The following ZFPM1 variants were observed in gnomAD, a reference collection of about 807,000 sequenced individuals.
The protein encoded by ZFPM1 is zinc finger protein ZFPM1.
ZFPM1 carries 28 observed loss-of-function variants against 46.3 expected under a neutral mutation model. That is an observed-to-expected ratio of 0.60 (90% confidence interval 0.45 to 0.83). The LOEUF (loss-of-function observed/expected upper bound fraction) is 0.83, where lower values mean the gene tolerates loss of function less well. ZFPM1 is among the 40% of genes least tolerant of loss of function. The pLI, the probability that ZFPM1 is intolerant of heterozygous loss-of-function variation, is 0.00. For missense variants in ZFPM1, 1,878 were observed against 1,432.4 expected (o/e 1.31, Z -5.02); for synonymous variants, 957 against 675.9 (o/e 1.42, Z -6.45).
At chr16:88,476,497 G>A (rs79802565) in intron 1 of ZFPM1, among the ~76,000 whole-genome samples, 4 of 152,118 alleles carry the variant, frequency 2.6e-5, no homozygotes, top group South Asian at 2.1e-4. Flanking sequence ...GGAGAGGGCC[G>A]AGCAGGTGCC....
In ZFPM1 at chr16:88,534,105, G is replaced by A. The variant is rs1164254114; in HGVS notation, c.2147G>A (p.Arg716Gln). Residue 716 changes from arginine (R) to glutamine (Q), a missense_variant, in exon 10 of 10, where the codon CGA (arginine) becomes CAA (glutamine). Transcript: ENST00000319555. ...TCGCGCCACGACCCGCCGCCGCGCCGACCGGCCGCGCCCCCGGGACCCCCT... is the reference window on the plus strand; with the variant it reads ...TCGCGCCACGACCCGCCGCCGCGCCAACCGGCCGCGCCCCCGGGACCCCCT... ...CASRHDPPPR[R>Q]PAAPPGPPGP... The A allele has an allele frequency of 2.6e-6, 3 of 1,154,314 alleles. No homozygotes were observed. The highest frequency in any genetic ancestry group is 2.2e-6 in the Non-Finnish European group (2 of 920,238). The allele number at this position is 1,154,314 out of a possible 1,614,324, so 71.5% of individuals were successfully genotyped here.
intron 1 of ZFPM1, among the ~76,000 whole-genome samples, chr16:88,456,641 C>A (rs1204839391): frequency 6.6e-6 from 1 of 152,162 alleles, no homozygotes; most frequent in Non-Finnish European, 1.5e-5. Context: ...GTAGGGCTGG[C>A]CTCAGTTTTC....
chr16:88,479,184 C>T (rs1245563167), intron 1 of ZFPM1, among the ~76,000 whole-genome samples: 2 of 152,290 alleles, frequency 1.3e-5, no homozygotes, highest in East Asian at 3.9e-4. Flanking sequence ...GAGTCCCAAC[C>T]GCGGGGCCGG....
chr16:88,482,230 A>T (rs1050155012), intron 1 of ZFPM1, among the ~76,000 whole-genome samples: 1 of 151,850 alleles, frequency 6.6e-6, no homozygotes, highest in African/African-American at 2.4e-5. Flanking sequence ...CTGGGGGCCC[A>T]AGTGCTCTGT....
At position 88,534,115 on chromosome 16, in the gene ZFPM1, G is replaced by A. The variant is rs1913056734; in HGVS notation, c.2157G>A (p.Ala719=). 2 of 1,128,238 alleles carry A rather than the reference G, an allele frequency of 1.8e-6. No homozygotes were observed. Among genetic ancestry groups the A allele is most frequent in the Non-Finnish European group, 1.1e-6 (1 of 900,172 alleles). 69.9% of individuals were successfully genotyped at this position (1,128,238 alleles called of 1,614,324 possible). The change falls in exon 10 of 10, where the codon GCG becomes GCA. Residue 719 remains alanine, a synonymous_variant. Transcript: ENST00000319555. ...ACCCGCCGCCGCGCCGACCGGCCGCGCCCCCGGGACCCCCTGGGCCGGCCG... is the reference window on the plus strand; with the variant it reads ...ACCCGCCGCCGCGCCGACCGGCCGCACCCCCGGGACCCCCTGGGCCGGCCG... The part of the protein sequence containing the change: ...RHDPPPRRPA[A]PPGPPGPAAP...
At chr16:88,460,045 C>A (rs574350389) in intron 1 of ZFPM1, among the ~76,000 whole-genome samples, 1 of 151,990 alleles carries the variant, frequency 6.6e-6, no homozygotes, top group South Asian at 2.1e-4. Flanking sequence ...TTCCCTCCAG[C>A]GCATCCCGAC....
chr16:88,500,914 G>A (rs375978617), intron 3 of ZFPM1, among the ~76,000 whole-genome samples: 2 of 152,254 alleles, frequency 1.3e-5, no homozygotes, highest in Admixed American at 1.3e-4. Context: ...TCACCTGACC[G>A]ACAGGTACAG....
intron 1 of ZFPM1, among the ~76,000 whole-genome samples, chr16:88,482,644 C>G (rs1909002142): frequency 6.6e-6 from 1 of 152,170 alleles, no homozygotes; most frequent in Non-Finnish European, 1.5e-5. Flanking sequence ...CCTGTGGGCC[C>G]CAGCCCCAGT....
intron 3 of ZFPM1, among the ~76,000 whole-genome samples, chr16:88,504,994 T>A (rs1910570198): frequency 6.6e-6 from 1 of 152,208 alleles, no homozygotes; most frequent in Non-Finnish European, 1.5e-5. Context: ...AGCTCTGCCA[T>A]TAGCTGGGGC....
At chr16:88,526,064 G>A (rs542687767) in intron 4 of ZFPM1, among the ~76,000 whole-genome samples, 1 of 152,352 alleles carries the variant, frequency 6.6e-6, no homozygotes, top group Non-Finnish European at 1.5e-5. Flanking sequence ...GAGGCCAGGG[G>A]GGCCAGGGCC....
At chr16:88,490,994 G>C (rs1030624179) in intron 3 of ZFPM1, among the ~76,000 whole-genome samples, 1 of 149,608 alleles carries the variant, frequency 6.7e-6, no homozygotes, top group African/African-American at 2.5e-5. Context: ...CCTGTCGGGG[G>C]TCAGACAGGC....
chr16:88,514,276 C>T, intron 3 of ZFPM1, 111 bp from the exon 4 acceptor site: 1 of 1,493,962 alleles, frequency 6.7e-7, no homozygotes, highest in Non-Finnish European at 8.9e-7. Flanking sequence ...CCATTCACCC[C>T]AGGCCCCCAG....
At chr16:88,500,580 T>A (rs895833655) in intron 3 of ZFPM1, among the ~76,000 whole-genome samples, 3 of 152,244 alleles carry the variant, frequency 2.0e-5, no homozygotes, top group Non-Finnish European at 4.4e-5. Context: ...GGTCATTCTG[T>A]CACCTTGCTA....
chr16:88,504,718 T>C (rs981941981), intron 3 of ZFPM1, among the ~76,000 whole-genome samples: 17 of 152,158 alleles, frequency 1.1e-4, no homozygotes, highest in African/African-American at 4.1e-4. Context: ...AAGGTAGTGG[T>C]GTCTGAGACC....
chr16:88,455,419 G>A (rs1907500612), intron 1 of ZFPM1, among the ~76,000 whole-genome samples: 1 of 151,978 alleles, frequency 6.6e-6, no homozygotes, highest in Non-Finnish European at 1.5e-5. Flanking sequence ...AGGCAGGGCC[G>A]CGGACCCTCC....
chr16:88,498,548 G>T (rs1032606292), intron 3 of ZFPM1, among the ~76,000 whole-genome samples: 11 of 152,220 alleles, frequency 7.2e-5, no homozygotes, highest in African/African-American at 2.7e-4. Flanking sequence ...CTTGGTGAGG[G>T]AGACACCCCA....
chr16:88,475,580 G>T (rs956491553), intron 1 of ZFPM1, among the ~76,000 whole-genome samples: 40 of 152,226 alleles, frequency 2.6e-4, no homozygotes, highest in African/African-American at 9.4e-4. Flanking sequence ...GCCTGAGAAA[G>T]CCCAGGTCCT....
chr16:88,519,270 GGGATGGATGGATGGAT>G (rs758724772), intron 4 of ZFPM1, among the ~76,000 whole-genome samples: 1 of 129,892 alleles, frequency 7.7e-6, no homozygotes, highest in Non-Finnish European at 1.7e-5. Flanking sequence ...GATGAGTGGA[GGGATGGATGGATGGAT>G]GGATGGATGG....
Position 88,459,858 on chromosome 16 carries a change from C to G in ZFPM1, c.40+6180C>G, listed in dbSNP as rs181970391. ...GTGAGATCTGTGGTTTCCAGCTTAT[C>G]TGAGATGGAGCAATCCCTCTTCCCA... On this transcript the variant is annotated intron_variant, in intron 1 of 9. Transcript: ENST00000319555. 2.8e-5 allele frequency among the ~76,000 whole-genome samples: 4 copies of G among 141,318 alleles called. No homozygotes were observed. In the Middle Eastern group the frequency reaches 0.011, roughly 381 times the overall value. 92.7% of individuals were successfully genotyped at this position (141,318 alleles called of 152,430 possible). A position where few individuals can be genotyped will look rare whatever the true frequency, so the allele number is the denominator to read the frequency against.
Sources: gnomAD v4.1 joint callset for allele counts (sites outside exome capture counted in the v4.1 genomes callset) on GRCh38, gnomAD v4.1.1 for gene constraint, MANE v1.5 for transcripts, NCBI Gene and HGNC (gene_info 2026-07-23, HGNC 2026-07-21) for gene names.